Variants in ABR observed in about 807,000 individuals in gnomAD.
ABR encodes the protein ABR activator of RhoGEF and GTPase.
A neutral mutation model predicts 107.2 loss-of-function variants in ABR; 35 were observed. The observed-to-expected ratio is 0.33, with a 90% CI of 0.25 to 0.43. The LOEUF is 0.43. Ranked by LOEUF, ABR falls within the 20% of genes least tolerant of loss-of-function variation. The pLI, the probability that ABR is intolerant of heterozygous loss-of-function variation, is 1.00. For missense variants in ABR, 815 were observed against 1,115.2 expected (o/e 0.73, Z 3.83); for synonymous variants, 498 against 462.0 (o/e 1.08, Z -1.00).
chr17:1,011,738 C>T lies in ABR; in HGVS notation c.2101+108G>A. 1.5e-6 allele frequency: 2 copies of T among 1,371,898 alleles called. No individual in the cohort carries two copies. Among genetic ancestry groups the T allele is most frequent in the Non-Finnish European group, 1.9e-6 (2 of 1,028,652 alleles). The allele number at this position is 1,371,898 out of a possible 1,614,324, so 85.0% of individuals were successfully genotyped here. Reference sequence around the variant, plus strand: ...TTGCCACGGGGACTCTGAAGCAGAGCAAGCCTCCTCTCCAGGGAGGCTCCT... The same window carrying T: ...TTGCCACGGGGACTCTGAAGCAGAGTAAGCCTCCTCTCCAGGGAGGCTCCT... On this transcript the variant is annotated intron_variant, in intron 19 of 22. Coordinates refer to ENST00000302538, the MANE Select transcript of ABR (RefSeq NM_021962.5). The surrounding 1 kb of genome is among the most constrained non-coding windows in gnomAD (Gnocchi z 4.8).
At chr17:1,072,902 C>T (rs1006425247) in intron 7 of ABR, 148 bp from the exon 8 acceptor site, 43 of 1,131,666 alleles carry the variant, frequency 3.8e-5, no homozygotes, top group East Asian at 1.5e-4. Flanking sequence ...AGAGTCAGGC[C>T]GGGCACGGCG....
intron 16 of ABR, among the ~76,000 whole-genome samples, chr17:1,045,454 CCG>C (rs1193029239): frequency 1.3e-5 from 2 of 149,494 alleles, no homozygotes; most frequent in African/African-American, 2.4e-5. Flanking sequence ...GGACAATCTT[CCG>C]TCTTCTTACA....
At position 1,037,933 on chromosome 17, in the gene ABR, C is replaced by G. The variant is rs906522269; in HGVS notation, c.1791+12117G>C. 6.6e-6 allele frequency among the ~76,000 whole-genome samples: 1 copy of G among 152,184 alleles called. No homozygotes were observed. The highest frequency in any genetic ancestry group is 2.1e-4 in the South Asian group (1 of 4,828). Reference sequence around the variant, plus strand: ...CAGCTGTCAAATCAGGAGCTCGGAACAGACACATGGTCTCCGGTGAGATTT... The same window carrying G: ...CAGCTGTCAAATCAGGAGCTCGGAAGAGACACATGGTCTCCGGTGAGATTT... On this transcript the variant is annotated intron_variant, in intron 16 of 22. Coordinates refer to ENST00000302538, the MANE Select transcript of ABR (RefSeq NM_021962.5). This position sits in a 1 kb window ranked among gnomAD's most constrained non-coding sequence, Gnocchi z 4.6.
Position 1,037,854 on chromosome 17 carries a change from G to A in ABR, c.1791+12196C>T, listed in dbSNP as rs2073314901. On this transcript the variant is annotated intron_variant, in intron 16 of 22. Transcript: ENST00000302538. The surrounding 1 kb of genome is among the most constrained non-coding windows in gnomAD (Gnocchi z 4.6). ...ATGGTGGCCAGAAGCAAAGCCCTGG[G>A]AGCCAGGGACCTGTGGACTCAACGG... 6.6e-6 allele frequency among the ~76,000 whole-genome samples: 1 copy of A among 152,238 alleles called. No individual in the cohort carries two copies. Among genetic ancestry groups the A allele is most frequent in the East Asian group, 1.9e-4 (1 of 5,172 alleles).
At chr17:1,214,468 TA>T (rs1482506892) in intron 1 of ABR, among the ~76,000 whole-genome samples, 3 of 152,154 alleles carry the variant, frequency 2.0e-5, no homozygotes, top group African/African-American at 7.2e-5. Flanking sequence ...AATAGCAATT[TA>T]AAGGAATATA....
At chr17:1,110,184 G>A (rs2038586073) in intron 2 of ABR, among the ~76,000 whole-genome samples, 1 of 151,912 alleles carries the variant, frequency 6.6e-6, no homozygotes, top group African/African-American at 2.4e-5. Context: ...AATGGTTGCA[G>A]AACCCCCAAC....
rs1410303058 is a variant in ABR, at chr17:1,091,585, G to A, written c.531+80C>T. 8.7e-6 allele frequency: 13 copies of A among 1,493,164 alleles called. No individual in the cohort carries two copies. In the East Asian group the frequency reaches 1.8e-4, roughly 21 times the overall value. 92.5% of individuals were successfully genotyped at this position (1,493,164 alleles called of 1,614,324 possible). On this transcript the variant is annotated intron_variant, in intron 4 of 22. Transcript: ENST00000302538. The stretch of plus-strand genomic sequence containing the variant: ...TTCAAGGAGTCCGAGAGGGCTGCCC[G>A]GTCCTCTCCTGAGGCTCCTGCAACA...
chr17:1,109,548 G>A (rs1480709762), intron 2 of ABR, among the ~76,000 whole-genome samples: 4 of 152,092 alleles, frequency 2.6e-5, no homozygotes, highest in African/African-American at 7.2e-5. Flanking sequence ...GCCGGGCCGG[G>A]GTGGGGTGGA....
At chr17:1,052,191 G>A (rs931685627) in intron 14 of ABR, among the ~76,000 whole-genome samples, 7 of 152,086 alleles carry the variant, frequency 4.6e-5, no homozygotes, top group Non-Finnish European at 5.9e-5. Context: ...CACACAGAAC[G>A]GGGCTGGGGA....
At chr17:1,147,733 T>C (rs903553490) in intron 1 of ABR, among the ~76,000 whole-genome samples, 1 of 151,992 alleles carries the variant, frequency 6.6e-6, no homozygotes, top group African/African-American at 2.4e-5. Flanking sequence ...CCATGTATGC[T>C]CAGAAGGCCA....
chr17:1,138,553 T>C (rs2040170901), intron 1 of ABR, among the ~76,000 whole-genome samples: 1 of 151,904 alleles, frequency 6.6e-6, no homozygotes, highest in African/African-American at 2.4e-5. Flanking sequence ...ACATAGCTCA[T>C]TGCAGCCTCA....
At position 1,022,463 on chromosome 17, in the gene ABR, G is replaced by A. The variant is rs184607615; in HGVS notation, c.1792-9299C>T. The A allele has an allele frequency of 4.4e-3, 681 of 153,746 alleles. 3 individuals carry two copies. Among genetic ancestry groups the A allele is most frequent in the African/African-American group, 0.016 (653 of 41,590 alleles). The allele number at this position is 153,746 out of a possible 1,614,324, so 9.5% of individuals were successfully genotyped here. Reference sequence around the variant, plus strand: ...TGGCAAGCTGGCAACGGGGGAGACGGGAGTTGCCAAGACCCTGCCTCTCCT... The same window carrying A: ...TGGCAAGCTGGCAACGGGGGAGACGAGAGTTGCCAAGACCCTGCCTCTCCT... On this transcript the variant is annotated intron_variant, in intron 16 of 22. Coordinates refer to ENST00000302538, the MANE Select transcript of ABR (RefSeq NM_021962.5).
In ABR at chr17:1,027,149, G is replaced by C. The variant is rs1249456759; in HGVS notation, c.1792-13985C>G. ...GGTACTACAGCAACACTGGGCTCAG[G>C]CAGCTTTGGCCTTTGAGGAACCCCC... is the stretch of plus-strand genomic sequence containing the variant. On this transcript the variant is annotated intron_variant, in intron 16 of 22. Coordinates refer to ENST00000302538, the MANE Select transcript of ABR (RefSeq NM_021962.5). This position sits in a 1 kb window ranked among gnomAD's most constrained non-coding sequence, Gnocchi z 4.7. Among the ~76,000 whole-genome samples, 4 of 152,218 alleles carry C rather than the reference G, an allele frequency of 2.6e-5. No individual in the cohort carries two copies. The highest frequency in any genetic ancestry group is 5.9e-5 in the Non-Finnish European group (4 of 68,032).
At chr17:1,204,104 C>T (rs1430098370) in intron 1 of ABR, among the ~76,000 whole-genome samples, 1 of 152,202 alleles carries the variant, frequency 6.6e-6, no homozygotes, top group Non-Finnish European at 1.5e-5. Context: ...ACCACCAGGG[C>T]TCCTGGATTC....
intron 1 of ABR, among the ~76,000 whole-genome samples, chr17:1,198,513 C>T (rs1025471644): frequency 6.0e-5 from 9 of 151,188 alleles, no homozygotes; most frequent in Non-Finnish European, 8.8e-5. Flanking sequence ...GAGGCTGAGG[C>T]GGGTGGATCA....
At chr17:1,062,728 G>C (rs1261795941) in intron 10 of ABR, among the ~76,000 whole-genome samples, 5 of 144,400 alleles carry the variant, frequency 3.5e-5, no homozygotes, top group Admixed American at 7.0e-5. Context: ...TGAGGGCTAT[G>C]CATGTTCCTC....
chr17:1,070,991 C>T lies in ABR; in HGVS notation c.895-901G>A, dbSNP rs1290798194. Among the ~76,000 whole-genome samples the T allele has an allele frequency of 9.2e-5, 14 of 152,098 alleles. No homozygotes were observed. The highest frequency in any genetic ancestry group is 3.4e-4 in the African/African-American group (14 of 41,410). On this transcript the variant is annotated intron_variant, in intron 8 of 22. Transcript: ENST00000302538. This position sits in a 1 kb window ranked among gnomAD's most constrained non-coding sequence, Gnocchi z 4.2. The stretch of plus-strand genomic sequence containing the variant: ...CAGCCTGGCCAACGTGGCGAAACCC[C>T]GTCTCTACTAAAAATACAAAAACTA...
At chr17:1,016,969 C>T (rs889203379) in intron 16 of ABR, among the ~76,000 whole-genome samples, 5 of 152,106 alleles carry the variant, frequency 3.3e-5, no homozygotes, top group African/African-American at 7.3e-5. Flanking sequence ...GTCCTTCCCA[C>T]ATCTATCACC....
chr17:1,019,294 C>A (rs2071439551), intron 16 of ABR, among the ~76,000 whole-genome samples: 1 of 152,186 alleles, frequency 6.6e-6, no homozygotes, highest in Non-Finnish European at 1.5e-5. Flanking sequence ...TGGGTCCTCT[C>A]TGCCTTCCTG....
Sources: allele counts gnomAD v4.1 joint callset (sites outside exome capture counted in the v4.1 genomes callset), GRCh38; gene constraint gnomAD v4.1.1; non-coding constraint Gnocchi (gnomAD v3.1); transcripts MANE v1.5; gene names NCBI Gene and HGNC (gene_info 2026-07-23, HGNC 2026-07-21).